The following SLC16A9 variants were observed in gnomAD, a reference collection of about 807,000 sequenced individuals.
The protein encoded by SLC16A9 is monocarboxylate transporter 9.
SLC16A9 carries 26 observed loss-of-function variants against 44.3 expected under a neutral mutation model. That is an observed-to-expected ratio of 0.59 (90% CI 0.43 to 0.81). The LOEUF (loss-of-function observed/expected upper bound fraction) is 0.81, where lower values mean the gene tolerates loss of function less well. SLC16A9 is among the 40% of genes least tolerant of loss of function. The pLI is 0.00. For synonymous variants in SLC16A9, 230 were observed against 225.1 expected, an observed-to-expected ratio of 1.02 and a Z score of -0.19; for missense variants, 559 against 595.8, an observed-to-expected ratio of 0.94 and a Z score of 0.64.
intron 1 of SLC16A9, among the ~76,000 whole-genome samples, chr10:59,688,685 T>C (rs946233816): frequency 2.0e-5 from 3 of 151,592 alleles, no homozygotes; most frequent in Non-Finnish European, 4.4e-5. Context: ...TTGTCTGAAC[T>C]CCTCAAACTA....
intron 1 of SLC16A9, among the ~76,000 whole-genome samples, chr10:59,694,403 G>A (rs781709668): frequency 6.6e-6 from 1 of 152,086 alleles, no homozygotes; most frequent in African/African-American, 2.4e-5. Context: ...TCAAGGTTTC[G>A]ATTAAATATC....
rs759040496 is a variant in SLC16A9 at position 59,654,280 on chromosome 10, T to C, written c.746A>G (p.Gln249Arg). ...GGGGTTTTTATGAAGTAGGCTGTCTTGTTTCCAGTCACCATTGGCTAACGT... is the reference window on the plus strand; with the variant it reads ...GGGGTTTTTATGAAGTAGGCTGTCTCGTTTCCAGTCACCATTGGCTAACGT... ...RITLANGDWK[Q>R]DSLLHKNPTV... Residue 249 changes from glutamine (Q) to arginine (R), a missense_variant, in exon 5 of 6, where the codon CAA becomes CGA. Gln to Arg is a conservative substitution (Grantham distance 43). Coordinates refer to ENST00000395348, the MANE Select transcript of SLC16A9 (RefSeq NM_194298.3). 8 of 1,614,094 alleles carry C rather than the reference T, an allele frequency of 5.0e-6. No homozygotes were observed. Among genetic ancestry groups the C allele is most frequent in the Non-Finnish European group, 6.8e-6 (8 of 1,180,044 alleles).
At chr10:59,661,152 A>T (rs1839466281) in intron 4 of SLC16A9, among the ~76,000 whole-genome samples, 1 of 152,238 alleles carries the variant, frequency 6.6e-6, no homozygotes, top group Admixed American at 6.5e-5. Flanking sequence ...AGTTCTTGCC[A>T]GGGCAATCAG....
chr10:59,654,373 C>T lies in SLC16A9; in HGVS notation c.653G>A (p.Gly218Glu), dbSNP rs868563722. 1 of 1,613,848 alleles carries T rather than the reference C, an allele frequency of 6.2e-7. No individual in the cohort carries two copies. The highest frequency in any genetic ancestry group is 8.5e-7 in the Non-Finnish European group (1 of 1,180,000). Residue 218 changes from glycine to glutamate, a missense_variant, in exon 5 of 6, where the codon GGA (glycine) becomes GAA (glutamate). Coordinates refer to ENST00000395348, the MANE Select transcript of SLC16A9 (RefSeq NM_194298.3). ...PDKYSIYNEK[G>E]KNLEENINIL... ...GTTTATGTTTTCTTCCAGATTCTTTCCTTTTTCATTGTAAATGGAGTATTT... is the reference window on the plus strand; with the variant it reads ...GTTTATGTTTTCTTCCAGATTCTTTTCTTTTTCATTGTAAATGGAGTATTT...
Position 59,654,346 on chromosome 10 carries a change from A to G in SLC16A9, c.680T>C (p.Ile227Thr). The G allele has an allele frequency of 6.2e-7, 1 of 1,614,096 alleles. No individual in the cohort carries two copies. Among genetic ancestry groups the G allele is most frequent in the Non-Finnish European group, 8.5e-7 (1 of 1,180,028 alleles). The change falls in exon 5 of 6, where the codon ATT (isoleucine) becomes ACT (threonine). Residue 227 changes from isoleucine (I) to threonine (T), a missense_variant. Ile to Thr is a moderately conservative substitution (Grantham distance 89). Transcript: ENST00000395348. ...CTCACTACTGTAGCTCTTGTCAAGAATGTTTATGTTTTCTTCCAGATTCTT... is the reference window on the plus strand; with the variant it reads ...CTCACTACTGTAGCTCTTGTCAAGAGTGTTTATGTTTTCTTCCAGATTCTT... Reference protein sequence around the residue: ...KGKNLEENINILDKSYSSEEK... With the variant: ...KGKNLEENINTLDKSYSSEEK...
chr10:59,684,004 G>C (rs899642994), intron 2 of SLC16A9, 92 bp downstream of exon 2: 1 of 999,906 alleles, frequency 1.0e-6, no homozygotes, highest in African/African-American at 1.6e-5. Context: ...ACTTTGAAAA[G>C]AAAGCCCTCT....
At chr10:59,662,878 C>T (rs1418198420) in intron 4 of SLC16A9, among the ~76,000 whole-genome samples, 18 of 152,108 alleles carry the variant, frequency 1.2e-4, no homozygotes, top group Non-Finnish European at 1.5e-5. Flanking sequence ...TGTGGCAATT[C>T]TCAAGGATCT....
At chr10:59,672,705 T>C (rs1839776869) in intron 3 of SLC16A9, 65 bp downstream of exon 3, 1 of 1,450,452 alleles carries the variant, frequency 6.9e-7, no homozygotes, top group Non-Finnish European at 9.4e-7. Context: ...ATCATAAACC[T>C]GGCACTGGTG....
intron 4 of SLC16A9, among the ~76,000 whole-genome samples, chr10:59,662,649 AAAAAGAAAAG>A (rs1410907601): frequency 6.8e-6 from 1 of 147,328 alleles, no homozygotes; most frequent in African/African-American, 2.6e-5. Context: ...AAAAAAAAAA[AAAAAGAAAAG>A]AAAAAAAGAA....
At chr10:59,667,338 G>A (rs976863764) in intron 3 of SLC16A9, among the ~76,000 whole-genome samples, 9 of 152,202 alleles carry the variant, frequency 5.9e-5, no homozygotes, top group Non-Finnish European at 1.2e-4. Flanking sequence ...CAATCAAGAA[G>A]CATATTGTAA....
At chr10:59,678,546 C>CTTTTTTTTTTTT (rs751112027) in intron 2 of SLC16A9, among the ~76,000 whole-genome samples, 835 of 30,548 alleles carry the variant, frequency 0.027, 225 homozygotes, top group African/African-American at 0.07. Flanking sequence ...TTTTCTTTTT[C>CTTTTTTTTTTTT]TTTTTTTTGA....
chr10:59,678,179 C>T (rs1398700432), intron 2 of SLC16A9, among the ~76,000 whole-genome samples: 2 of 151,884 alleles, frequency 1.3e-5, no homozygotes, highest in African/African-American at 4.8e-5. Context: ...GCTGATGCTA[C>T]AGTGAGAAAC....
chr10:59,708,872 G>C (rs1283542465), intron 1 of SLC16A9: 1 of 152,508 alleles, frequency 6.6e-6, no homozygotes, highest in Non-Finnish European at 1.5e-5. Context: ...GGTGCCTCCT[G>C]CGGCGGTGGC....
intron 1 of SLC16A9, among the ~76,000 whole-genome samples, chr10:59,703,006 T>C (rs1218110397): frequency 3.3e-5 from 5 of 152,242 alleles, no homozygotes; most frequent in Non-Finnish European, 4.4e-5. Flanking sequence ...TCTTTCACAT[T>C]AAGATGGAAA....
chr10:59,665,478 A>G (rs919131165), intron 3 of SLC16A9, among the ~76,000 whole-genome samples: 3 of 152,230 alleles, frequency 2.0e-5, no homozygotes, highest in South Asian at 2.1e-4. Context: ...ACAGAGTCTT[A>G]TTAATGAAAT....
intron 3 of SLC16A9, among the ~76,000 whole-genome samples, chr10:59,664,600 A>G (rs1278490324): frequency 6.6e-6 from 1 of 152,218 alleles, no homozygotes; most frequent in African/African-American, 2.4e-5. Context: ...TTAAGAGATT[A>G]TGGAGAAAGA....
chr10:59,706,628 G>GACACACACACACAC (rs1489140252), intron 1 of SLC16A9, among the ~76,000 whole-genome samples: 3 of 25,690 alleles, frequency 1.2e-4, no homozygotes, highest in Non-Finnish European at 1.6e-4. Flanking sequence ...GAAGAAATGT[G>GACACACACACACAC]ATACACACAC....
At position 59,651,392 on chromosome 10, in the gene SLC16A9, A is replaced by G. The variant is rs1839194592; in HGVS notation, c.*1380T>C. 6.6e-6 allele frequency: 1 copy of G among 152,232 alleles called. No individual in the cohort carries two copies. Among genetic ancestry groups the G allele is most frequent in the South Asian group, 2.1e-4 (1 of 4,834 alleles). The allele number at this position is 152,232 out of a possible 1,614,324, so 9.4% of individuals were successfully genotyped here. ...AATCCCCTGACCTCTTGGGTTTTAA[A>G]AAAATTATTATTTAAAAGAATAAAT... is the stretch of plus-strand genomic sequence containing the variant. On this transcript the variant is annotated 3_prime_UTR_variant, in exon 6 of 6. Coordinates refer to ENST00000395348, the MANE Select transcript of SLC16A9 (RefSeq NM_194298.3).
At position 59,698,966 on chromosome 10, in the gene SLC16A9, A is replaced by T. The variant is rs929949778; in HGVS notation, c.-37+10513T>A. 2.6e-5 allele frequency among the ~76,000 whole-genome samples: 4 copies of T among 151,516 alleles called. No homozygotes were observed. In the East Asian group the frequency reaches 7.8e-4, roughly 29 times the overall value. On this transcript the variant is annotated intron_variant, in intron 1 of 5. Coordinates refer to ENST00000395348, the MANE Select transcript of SLC16A9 (RefSeq NM_194298.3). ...ACCATGTTAGCCAGGCTTGTCTCGA[A>T]CTCCTGACCTCAGTTGATCTGTCTG... is the stretch of plus-strand genomic sequence containing the variant.
Sources: gnomAD v4.1 joint callset for allele counts (sites outside exome capture counted in the v4.1 genomes callset) on GRCh38, gnomAD v4.1.1 for gene constraint, MANE v1.5 for transcripts, NCBI Gene and HGNC (gene_info 2026-07-23, HGNC 2026-07-21) for gene names.